The following FSHR variants were observed in gnomAD, a reference collection of about 807,000 sequenced individuals.
FSHR encodes the protein follicle-stimulating hormone receptor.
A neutral mutation model predicts 52.1 loss-of-function variants in FSHR; 46 were observed. The ratio of observed to expected loss-of-function variants is 0.88; its 90% CI spans 0.70 to 1.13. FSHR has a LOEUF of 1.13. Among genes scored for constraint, FSHR ranks in the 50% most tolerant of loss-of-function variants. FSHR has a pLI of 0.00. For synonymous variants in FSHR, 399 were observed against 309.6 expected (o/e 1.29, Z -3.03); for missense variants, 964 against 834.6 (o/e 1.16, Z -1.91).
rs191138604 is a variant in FSHR, at chr2:49,140,066, A to G, written c.152+14200T>C. Among the ~76,000 whole-genome samples, 501 of 152,212 alleles carry G rather than the reference A, an allele frequency of 3.3e-3. 2 individuals carry two copies. Among genetic ancestry groups the G allele is most frequent in the Middle Eastern group, 0.027 (8 of 294 alleles). On this transcript the variant is annotated intron_variant, in intron 1 of 9. Transcript: ENST00000406846. Reference sequence around the variant, plus strand: ...GATTGTATTACTTAGGGAACTATGGATTTGTTAGGGCAGCTTTGGCCTAAA... The same window carrying G: ...GATTGTATTACTTAGGGAACTATGGGTTTGTTAGGGCAGCTTTGGCCTAAA...
chr2:49,099,230 T>C (rs545617385), intron 1 of FSHR, among the ~76,000 whole-genome samples: 51 of 152,178 alleles, frequency 3.4e-4, no homozygotes, highest in Admixed American at 1.0e-3. Flanking sequence ...TGGAAGATAA[T>C]TGAATCATGG....
intron 4 of FSHR, among the ~76,000 whole-genome samples, chr2:49,000,817 G>A (rs534931570): frequency 6.6e-6 from 1 of 152,096 alleles, no homozygotes; most frequent in African/African-American, 2.4e-5. Context: ...AGTGACCAGT[G>A]TCTGAATTTG....
At chr2:49,078,596 CA>C (rs1389935209) in intron 1 of FSHR, among the ~76,000 whole-genome samples, 2 of 151,498 alleles carry the variant, frequency 1.3e-5, no homozygotes, top group African/African-American at 4.9e-5. Flanking sequence ...ACAACTCTTT[CA>C]AAGAAAATTT....
chr2:49,021,879 A>ATGTATG (rs1667728063), intron 2 of FSHR, among the ~76,000 whole-genome samples: 1 of 45,800 alleles, frequency 2.2e-5, no homozygotes, highest in African/African-American at 7.3e-5. Context: ...ATATATATAT[A>ATGTATG]TATATATAGA....
intron 1 of FSHR, among the ~76,000 whole-genome samples, chr2:49,084,406 G>A (rs1272219676): frequency 6.6e-6 from 1 of 152,100 alleles, no homozygotes; most frequent in South Asian, 2.1e-4. Flanking sequence ...AAGATTCACA[G>A]TTGACACCCT....
chr2:49,118,728 C>T (rs1366029402), intron 1 of FSHR, among the ~76,000 whole-genome samples: 1 of 152,176 alleles, frequency 6.6e-6, no homozygotes, highest in Non-Finnish European at 1.5e-5. Flanking sequence ...TACCCAATCA[C>T]ACACCCACCA....
intron 2 of FSHR, among the ~76,000 whole-genome samples, chr2:49,053,925 A>G (rs1026862968): frequency 6.6e-6 from 1 of 152,204 alleles, no homozygotes; most frequent in African/African-American, 2.4e-5. Flanking sequence ...CCTTAGTATT[A>G]ACATTTTCCA....
intron 2 of FSHR, among the ~76,000 whole-genome samples, chr2:49,061,361 G>A (rs537142526): frequency 9.2e-5 from 14 of 151,884 alleles, no homozygotes; most frequent in African/African-American, 3.1e-4. Flanking sequence ...ATGGATAAAA[G>A]TGATTCTGAG....
chr2:48,974,246 C>T (rs1275277970), intron 8 of FSHR, among the ~76,000 whole-genome samples: 2 of 152,140 alleles, frequency 1.3e-5, no homozygotes, highest in Non-Finnish European at 2.9e-5. Flanking sequence ...ACAGACATGC[C>T]TTGGGGAGTA....
At chr2:49,083,840 T>C (rs1210755290) in intron 1 of FSHR, among the ~76,000 whole-genome samples, 3 of 147,574 alleles carry the variant, frequency 2.0e-5, no homozygotes, top group African/African-American at 5.0e-5. Context: ...CCCAGATGCA[T>C]AAAGCAAGTC....
intron 2 of FSHR, among the ~76,000 whole-genome samples, chr2:49,026,318 G>A (rs1421768048): frequency 2.6e-5 from 4 of 152,226 alleles, no homozygotes; most frequent in South Asian, 4.2e-4. Flanking sequence ...GTTTCCCTCA[G>A]TAGATGAGCA....
rs1251961623 is a variant in FSHR, at chr2:48,963,741, C to T, written c.1080G>A (p.Met360Ile). 3 of 1,614,020 alleles carry T rather than the reference C, an allele frequency of 1.9e-6. No homozygotes were observed. In the African/African-American group the frequency reaches 4.0e-5, roughly 22 times the overall value. Residue 360 changes from methionine to isoleucine, a missense_variant, in exon 10 of 10, where the codon ATG (methionine) becomes ATA (isoleucine). By Grantham distance (10) the Met-to-Ile change is conservative. Transcript: ENST00000406846. ...TCAGGACTCTGAGGATGTTGTACCC[C>T]ATGATATCTTCACATGGGTTGAATG... The part of the protein sequence containing the change: ...PDAFNPCEDI[M>I]GYNILRVLIW...
chr2:48,971,234 C>T (rs2104016152), intron 8 of FSHR, among the ~76,000 whole-genome samples: 1 of 152,314 alleles, frequency 6.6e-6, no homozygotes, highest in South Asian at 2.1e-4. Context: ...TTCCATTTCC[C>T]AGGTACCACC....
At chr2:49,126,573 T>C (rs762127783) in intron 1 of FSHR, among the ~76,000 whole-genome samples, 2 of 152,186 alleles carry the variant, frequency 1.3e-5, no homozygotes, top group Admixed American at 6.5e-5. Flanking sequence ...ATGAAGCTGA[T>C]GGTAATATCA....
intron 1 of FSHR, among the ~76,000 whole-genome samples, chr2:49,126,321 A>AAG (rs1034371567): frequency 3.8e-4 from 6 of 15,796 alleles, no homozygotes; most frequent in African/African-American, 3.0e-3. Flanking sequence ...ACACAAAAGG[A>AAG]AGAGGGGGGG....
chr2:49,056,304 A>G (rs1397980601), intron 2 of FSHR, among the ~76,000 whole-genome samples: 1 of 151,910 alleles, frequency 6.6e-6, no homozygotes, highest in Non-Finnish European at 1.5e-5. Context: ...GATAATCCTT[A>G]TAAACAAAAC....
At chr2:49,038,286 G>C (rs1259523335) in intron 2 of FSHR, among the ~76,000 whole-genome samples, 1 of 152,084 alleles carries the variant, frequency 6.6e-6, no homozygotes. Context: ...TGAAGTCTCT[G>C]GCAAGTAATA....
intron 4 of FSHR, among the ~76,000 whole-genome samples, chr2:48,995,046 C>T (rs1308702919): frequency 6.6e-6 from 1 of 152,132 alleles, no homozygotes; most frequent in Non-Finnish European, 1.5e-5. Context: ...CCCTGAGGCT[C>T]TAAGGCTCAT....
chr2:49,108,733 G>A (rs558613737), intron 1 of FSHR, among the ~76,000 whole-genome samples: 5 of 152,302 alleles, frequency 3.3e-5, no homozygotes, highest in African/African-American at 1.2e-4. Context: ...CATTTAGACT[G>A]AGCAGGAGAG....
Sources: gnomAD v4.1 joint callset for allele counts (sites outside exome capture counted in the v4.1 genomes callset) on GRCh38, gnomAD v4.1.1 for gene constraint, MANE v1.5 for transcripts, NCBI Gene and HGNC (gene_info 2026-07-23, HGNC 2026-07-21) for gene names.